Variants in NRXN3 observed in about 807,000 individuals in gnomAD.
The protein encoded by NRXN3 is neurexin 3.
NRXN3 carries 32 observed loss-of-function variants against 137.6 expected under a neutral mutation model. That is an observed-to-expected ratio of 0.23 (90% CI 0.18 to 0.31). NRXN3 has a LOEUF of 0.31. Among genes scored for constraint, NRXN3 ranks in the 10% least tolerant of loss-of-function variants. The pLI is 1.00. For synonymous variants in NRXN3, 798 were observed against 784.5 expected, an observed-to-expected ratio of 1.02 and a Z score of -0.29; for missense variants, 1,574 against 2,062.5, an observed-to-expected ratio of 0.76 and a Z score of 4.59.
At chr14:79,859,132 T>G (rs1456010192) in intron 20 of NRXN3, among the ~76,000 whole-genome samples, 14 of 152,174 alleles carry the variant, frequency 9.2e-5, no homozygotes. Flanking sequence ...CAAGATCATC[T>G]TGAGAATCTC....
chr14:79,145,292 T>A (rs2059191602), intron 15 of NRXN3, among the ~76,000 whole-genome samples: 1 of 152,184 alleles, frequency 6.6e-6, no homozygotes, highest in Non-Finnish European at 1.5e-5. Context: ...CTGAGCCACT[T>A]AAAAATAACC....
intron 17 of NRXN3, among the ~76,000 whole-genome samples, chr14:79,681,515 A>T (rs1339900209): frequency 6.6e-6 from 1 of 151,816 alleles, no homozygotes; most frequent in Non-Finnish European, 1.5e-5. Context: ...TTCTTTTCTC[A>T]TGGAAGTTCA....
intron 10 of NRXN3, among the ~76,000 whole-genome samples, chr14:78,845,903 G>GA (rs2099025288): frequency 7.5e-6 from 1 of 133,134 alleles, no homozygotes; most frequent in Non-Finnish European, 1.6e-5. Context: ...TGAGTATGTT[G>GA]GGGTGTGTGT....
chr14:78,760,782 A>G (rs535365547), intron 8 of NRXN3, among the ~76,000 whole-genome samples: 1 of 152,002 alleles, frequency 6.6e-6, no homozygotes, highest in Non-Finnish European at 1.5e-5. Context: ...AACTGTCCAT[A>G]TTTCTTCTCA....
chr14:78,379,790 G>A (rs144747390), intron 4 of NRXN3, among the ~76,000 whole-genome samples: 41 of 152,270 alleles, frequency 2.7e-4, no homozygotes, highest in Admixed American at 1.2e-3. Flanking sequence ...AGGCATATAA[G>A]TTGGAAAGGA....
intron 4 of NRXN3, among the ~76,000 whole-genome samples, chr14:78,567,112 A>G (rs1424284483): frequency 6.6e-6 from 1 of 152,088 alleles, no homozygotes; most frequent in African/African-American, 2.4e-5. Context: ...ATTCTTTCTC[A>G]AGGGAAGGTG....
intron 15 of NRXN3, among the ~76,000 whole-genome samples, chr14:79,276,449 TC>T: frequency 6.6e-6 from 1 of 152,300 alleles, no homozygotes; most frequent in Admixed American, 6.5e-5. Flanking sequence ...TTAACTGTGT[TC>T]CCAAATGGAA....
intron 1 of NRXN3, among the ~76,000 whole-genome samples, chr14:78,174,680 A>G (rs1206216152): frequency 6.6e-6 from 1 of 152,030 alleles, no homozygotes; most frequent in Non-Finnish European, 1.5e-5. Flanking sequence ...GTGGCTCTGG[A>G]CAGGTGTGGT....
chr14:78,203,265 T>A (rs896673374), intron 1 of NRXN3, among the ~76,000 whole-genome samples: 6 of 152,204 alleles, frequency 3.9e-5, no homozygotes, highest in African/African-American at 1.4e-4. Flanking sequence ...CCAACCCCCA[T>A]GTGAGATGAG....
At chr14:79,002,327 C>G (rs2099543137) in intron 15 of NRXN3, among the ~76,000 whole-genome samples, 3 of 152,204 alleles carry the variant, frequency 2.0e-5, no homozygotes, top group Admixed American at 2.0e-4. Context: ...AGGTATTAAG[C>G]CCAGCATCCA....
rs369974716 is a variant in NRXN3, at chr14:78,714,729, C to T, written c.1661-27C>T. On this transcript the variant is annotated intron_variant, in intron 7 of 20. Coordinates refer to ENST00000335750, the MANE Select transcript of NRXN3 (RefSeq NM_001330195.2). ...CATTTGGTTAAGCAACTGGCAGACT[C>T]ACCTGAGATCTGTCTTCCCACCCCA... The T allele has an allele frequency of 5.0e-5, 80 of 1,603,006 alleles. No homozygotes were observed. In the African/African-American group the frequency reaches 9.4e-4, roughly 19 times the overall value.
intron 17 of NRXN3, among the ~76,000 whole-genome samples, chr14:79,688,608 C>T (rs551987912): frequency 2.5e-4 from 38 of 152,218 alleles, no homozygotes; most frequent in African/African-American, 7.7e-4. Flanking sequence ...GTTTGCTTTC[C>T]GTTTCTTTCC....
At chr14:79,559,706 A>T (rs1350584793) in intron 16 of NRXN3, among the ~76,000 whole-genome samples, 1 of 152,196 alleles carries the variant, frequency 6.6e-6, no homozygotes, top group Non-Finnish European at 1.5e-5. Context: ...GTTGCTACAA[A>T]CTTTCAATTT....
intron 16 of NRXN3, among the ~76,000 whole-genome samples, chr14:79,652,692 A>C (rs997836942): frequency 2.6e-5 from 4 of 152,016 alleles, no homozygotes; most frequent in Non-Finnish European, 5.9e-5. Flanking sequence ...CATGTTTTCC[A>C]GTGTCTGCTT....
At chr14:78,386,540 T>C (rs143667956) in intron 4 of NRXN3, among the ~76,000 whole-genome samples, 77 of 152,338 alleles carry the variant, frequency 5.1e-4, no homozygotes, top group African/African-American at 1.8e-3. Flanking sequence ...ATCTTCATGT[T>C]CTGCCTAGCA....
chr14:79,424,232 T>C (rs945394550), intron 15 of NRXN3, among the ~76,000 whole-genome samples: 24 of 152,156 alleles, frequency 1.6e-4, no homozygotes, highest in African/African-American at 5.8e-4. Context: ...CACATACAAA[T>C]TAAGACAAAT....
rs760263881 is a variant in NRXN3, at chr14:79,460,693, C to A, written c.3263-6528C>A. On this transcript the variant is annotated intron_variant, in intron 15 of 20. Coordinates refer to ENST00000335750, the MANE Select transcript of NRXN3 (RefSeq NM_001330195.2). ...TTCATGCGATTTAGTTTTAATTATT[C>A]TTCCTTCAACAGAGAGAAATAGATT... Among the ~76,000 whole-genome samples the A allele has an allele frequency of 3.0e-4, 46 of 152,130 alleles. 2 individuals carry two copies. Among genetic ancestry groups the A allele is most frequent in the Admixed American group, 6.6e-5 (1 of 15,262 alleles).
At chr14:79,772,958 G>T (rs993189499) in intron 19 of NRXN3, among the ~76,000 whole-genome samples, 3 of 152,078 alleles carry the variant, frequency 2.0e-5, no homozygotes, top group African/African-American at 7.2e-5. Flanking sequence ...CCATCAAAAA[G>T]TGGGCAAAGG....
At chr14:79,558,224 G>A (rs1216938587) in intron 16 of NRXN3, among the ~76,000 whole-genome samples, 1 of 152,078 alleles carries the variant, frequency 6.6e-6, no homozygotes, top group Non-Finnish European at 1.5e-5. Flanking sequence ...CAAAGTCTTA[G>A]TAATGTTGAT....
Sources: gnomAD v4.1 joint callset for allele counts (sites outside exome capture counted in the v4.1 genomes callset) on GRCh38, gnomAD v4.1.1 for gene constraint, MANE v1.5 for transcripts, NCBI Gene and HGNC (gene_info 2026-07-23, HGNC 2026-07-21) for gene names.